Variants in CHCHD3 observed in about 807,000 individuals in gnomAD.
The protein encoded by CHCHD3 is coiled-coil-helix-coiled-coil-helix domain containing 3, also known as MICOS complex subunit MIC19.
In CHCHD3, 20 loss-of-function variants were observed where a neutral mutation model predicts 38.2. The ratio of observed to expected loss-of-function variants is 0.52; its 90% confidence interval spans 0.37 to 0.76. The LOEUF (loss-of-function observed/expected upper bound fraction) is 0.76, where lower values mean the gene tolerates loss of function less well. Ranked by LOEUF, CHCHD3 falls within the 30% of genes least tolerant of loss-of-function variation. The probability of loss-of-function intolerance (pLI) is 0.00; values close to 1 mark genes in which losing one functional copy is unlikely to be tolerated. For synonymous variants in CHCHD3, 82 were observed against 100.0 expected, an observed-to-expected ratio of 0.82 and a Z score of 1.07; for missense variants, 245 against 279.2, an observed-to-expected ratio of 0.88 and a Z score of 0.87.
chr7:132,964,615 C>T (rs996105469), intron 4 of CHCHD3, among the ~76,000 whole-genome samples: 1 of 152,128 alleles, frequency 6.6e-6, no homozygotes, highest in Admixed American at 6.5e-5. Context: ...CCTTTATATA[C>T]TAGTATTCCT....
intron 2 of CHCHD3, among the ~76,000 whole-genome samples, chr7:133,069,310 G>A (rs142957193): frequency 8.8e-4 from 132 of 150,562 alleles, no homozygotes; most frequent in African/African-American, 2.9e-3. Flanking sequence ...AGTAAGGGGC[G>A]GGGCGGGGGG....
At position 133,035,050 on chromosome 7, in the gene CHCHD3, C is replaced by T. The variant is rs915672252; in HGVS notation, c.170-10423G>A. ...TTGGAGTACTTGCGCTTAAATTCAT[C>T]CAACACAAAGGTACTCTTGGGCAGG... On this transcript the variant is annotated intron_variant, in intron 2 of 7. Transcript: ENST00000262570. The surrounding 1 kb of genome is among the most constrained non-coding windows in gnomAD (Gnocchi z 4.7). The T allele has an allele frequency of 1.9e-6, 3 of 1,613,620 alleles. No individual in the cohort carries two copies. The highest frequency in any genetic ancestry group is 2.5e-6 in the Non-Finnish European group (3 of 1,179,704).
intron 4 of CHCHD3, chr7:132,973,461 T>C (rs2117329008): frequency 1.0e-6 from 1 of 985,514 alleles, no homozygotes; most frequent in Non-Finnish European, 1.2e-6. Context: ...GTTGAGTTAC[T>C]CAAAACTTAC....
chr7:133,064,128 C>T (rs1814601462), intron 2 of CHCHD3, among the ~76,000 whole-genome samples: 1 of 152,228 alleles, frequency 6.6e-6, no homozygotes, highest in Non-Finnish European at 1.5e-5. Flanking sequence ...TCATTCACTA[C>T]ACTGTAACAT....
At chr7:133,068,337 T>C (rs1394857973) in intron 2 of CHCHD3, among the ~76,000 whole-genome samples, 1 of 151,992 alleles carries the variant, frequency 6.6e-6, no homozygotes, top group Non-Finnish European at 1.5e-5. Flanking sequence ...AACAAACAAA[T>C]GAGGAATAAG....
At position 132,789,841 on chromosome 7, in the gene CHCHD3, T is replaced by C. The variant is rs1253135976; in HGVS notation, c.661-4181A>G. Among the ~76,000 whole-genome samples the C allele has an allele frequency of 2.6e-5, 4 of 151,810 alleles. No individual in the cohort carries two copies. The East Asian group carries it at 5.8e-4, about 22-fold the overall frequency. On this transcript the variant is annotated intron_variant, in intron 7 of 7. Transcript: ENST00000262570. ...GAAGGTCTACCTAACCAAGGAAAAA[T>C]GAAACTGGAGATGTGTCCTGGCACA...
At chr7:132,932,180 C>T (rs938779640) in intron 4 of CHCHD3, among the ~76,000 whole-genome samples, 3 of 152,104 alleles carry the variant, frequency 2.0e-5, no homozygotes, top group African/African-American at 4.8e-5. Context: ...CCAACATGGC[C>T]GGGCTCTGCC....
At chr7:132,921,628 C>CACAACAACAACA (rs5887601) in intron 4 of CHCHD3, among the ~76,000 whole-genome samples, 1 of 150,770 alleles carries the variant, frequency 6.6e-6, no homozygotes, top group African/African-American at 2.4e-5. Flanking sequence ...ATATGACACA[C>CACAACAACAACA]ACAACAACAA....
chr7:132,827,729 G>A (rs1181174396), intron 6 of CHCHD3, among the ~76,000 whole-genome samples: 1 of 152,070 alleles, frequency 6.6e-6, no homozygotes, highest in African/African-American at 2.4e-5. Context: ...CCCACCACAG[G>A]CAAATGTTGC....
intron 2 of CHCHD3, among the ~76,000 whole-genome samples, chr7:133,025,953 A>C (rs1195427260): frequency 6.6e-6 from 1 of 152,228 alleles, no homozygotes; most frequent in Non-Finnish European, 1.5e-5. Flanking sequence ...AGCCCTTTCA[A>C]ATATTTCATT....
intron 4 of CHCHD3, among the ~76,000 whole-genome samples, chr7:132,892,016 G>A (rs1413233326): frequency 2.0e-5 from 3 of 152,128 alleles, no homozygotes; most frequent in African/African-American, 7.2e-5. Context: ...ACTACTCTTG[G>A]GTAGTATCTT....
chr7:132,992,243 C>G (rs1046044701), intron 3 of CHCHD3, among the ~76,000 whole-genome samples: 2 of 152,190 alleles, frequency 1.3e-5, no homozygotes, highest in Admixed American at 1.3e-4. Flanking sequence ...TTTGTTCAAG[C>G]TAAGTCTGCT....
chr7:132,918,803 C>T (rs1172921543), intron 4 of CHCHD3, among the ~76,000 whole-genome samples: 1 of 152,204 alleles, frequency 6.6e-6, no homozygotes, highest in Non-Finnish European at 1.5e-5. Context: ...ACAGCTACAG[C>T]TGACATGGCA....
rs772401857 is a variant in CHCHD3, at chr7:132,885,722, G to A, written c.393C>T (p.Asp131=). 1.2e-6 allele frequency: 2 copies of A among 1,608,836 alleles called. No homozygotes were observed. The highest frequency in any genetic ancestry group is 1.7e-6 in the Non-Finnish European group (2 of 1,178,194). The change falls in exon 5 of 8, where the codon GAC becomes GAT. Residue 131 remains aspartate (D), a synonymous_variant. Transcript: ENST00000262570. ...KHLARQLEEK[D]RVLKKQDAFY... is the part of the protein sequence containing the mutation. ...ATGCATCCTGCTTCTTTAGCACTCG[G>A]TCTTTCTCTTCCAGCTGCCTAGCCT...
chr7:133,028,677 G>C (rs1235635017), intron 2 of CHCHD3, among the ~76,000 whole-genome samples: 1 of 152,086 alleles, frequency 6.6e-6, no homozygotes, highest in Non-Finnish European at 1.5e-5. Context: ...ACGAGGTCAG[G>C]AGTTTGAGAC....
intron 4 of CHCHD3, among the ~76,000 whole-genome samples, chr7:132,899,195 G>C (rs1011429460): frequency 1.3e-4 from 20 of 152,220 alleles, no homozygotes. Context: ...ACAAGAGACT[G>C]ATTATGGGGG....
chr7:132,961,332 AC>A (rs1562922200), intron 4 of CHCHD3, among the ~76,000 whole-genome samples: 3 of 152,154 alleles, frequency 2.0e-5, no homozygotes, highest in Admixed American at 6.5e-5. Flanking sequence ...AAAATAAGCA[AC>A]CATTCGAAAA....
At chr7:132,911,471 C>T (rs930436819) in intron 4 of CHCHD3, among the ~76,000 whole-genome samples, 6 of 152,196 alleles carry the variant, frequency 3.9e-5, no homozygotes, top group East Asian at 1.9e-4. Flanking sequence ...AGACACAAGA[C>T]GCTGACAATG....
intron 3 of CHCHD3, among the ~76,000 whole-genome samples, chr7:132,983,272 G>A (rs191547306): frequency 5.9e-4 from 90 of 152,284 alleles, no homozygotes; most frequent in Non-Finnish European, 1.2e-3. Context: ...GCAGTGAGCT[G>A]AGATCACGCC....
Sources: gnomAD v4.1 joint callset for allele counts (sites outside exome capture counted in the v4.1 genomes callset) on GRCh38, gnomAD v4.1.1 for gene constraint, Gnocchi (gnomAD v3.1) non-coding constraint, MANE v1.5 for transcripts, NCBI Gene and HGNC (gene_info 2026-07-23, HGNC 2026-07-21) for gene names.